The following POC1B variants were observed in gnomAD, a reference collection of about 807,000 sequenced individuals.
POC1B encodes the protein POC1 centriolar protein B.
POC1B carries 44 observed loss-of-function variants against 60.6 expected under a neutral mutation model. The observed-to-expected ratio is 0.73, with a 90% CI of 0.57 to 0.93. The LOEUF is 0.93. Among genes scored for constraint, POC1B ranks in the 40% least tolerant of loss-of-function variants. The pLI, the probability that POC1B is intolerant of heterozygous loss-of-function variation, is 0.00. For synonymous variants in POC1B, 180 were observed against 198.9 expected, an observed-to-expected ratio of 0.90 and a Z score of 0.80; for missense variants, 555 against 572.3, an observed-to-expected ratio of 0.97 and a Z score of 0.31.
intron 2 of POC1B, chr12:89,523,883 G>A (rs369343226): frequency 1.9e-6 from 3 of 1,574,972 alleles, no homozygotes; most frequent in African/African-American, 2.7e-5. Context: ...AGGAAAGTGA[G>A]GACGTCCCCA....
chr12:89,424,376 C>T (rs561804711), intron 11 of POC1B, among the ~76,000 whole-genome samples: 1 of 152,210 alleles, frequency 6.6e-6, no homozygotes, highest in African/African-American at 2.4e-5. Context: ...GGGTTGAGAA[C>T]CAGTTGGGTG....
chr12:89,411,290 CA>C, the POC1B span, among the ~76,000 whole-genome samples: 3 of 151,654 alleles, frequency 2.0e-5, no homozygotes, highest in Non-Finnish European at 4.4e-5. Context: ...CATATGGAAC[CA>C]AAAAAAACCC....
At chr12:89,485,873 C>A (rs974951051) in intron 4 of POC1B, among the ~76,000 whole-genome samples, 7 of 152,198 alleles carry the variant, frequency 4.6e-5, no homozygotes, top group African/African-American at 1.7e-4. Flanking sequence ...GACCCTTTCC[C>A]ACCCTGTAGC....
chr12:89,489,802 T>C (rs1451368511), intron 4 of POC1B, among the ~76,000 whole-genome samples: 1 of 152,192 alleles, frequency 6.6e-6, no homozygotes, highest in African/African-American at 2.4e-5. Flanking sequence ...GTGTCCCCTA[T>C]CCCCATGCCT....
chr12:89,498,253 T>C (rs1193745669), intron 2 of POC1B, among the ~76,000 whole-genome samples: 1 of 152,174 alleles, frequency 6.6e-6, no homozygotes, highest in Non-Finnish European at 1.5e-5. Flanking sequence ...TGTCAGACAA[T>C]AGTTTAAGGA....
intron 7 of POC1B, among the ~76,000 whole-genome samples, chr12:89,470,073 T>C (rs1308383131): frequency 6.6e-6 from 1 of 152,058 alleles, no homozygotes; most frequent in Non-Finnish European, 1.5e-5. Flanking sequence ...GGTTTCATCA[T>C]GTTGGCCAAG....
intron 2 of POC1B, among the ~76,000 whole-genome samples, chr12:89,506,463 TAAAG>T (rs973478877): frequency 1.3e-5 from 2 of 151,970 alleles, no homozygotes; most frequent in African/African-American, 4.8e-5. Flanking sequence ...TCAGTACAGA[TAAAG>T]AAGAGGTTGA....
At chr12:89,496,487 C>T (rs75031192) in intron 3 of POC1B, among the ~76,000 whole-genome samples, 7,095 of 152,118 alleles carry the variant, frequency 0.047, 266 homozygotes, top group Non-Finnish European at 0.064. Context: ...AGCTGATTGA[C>T]GGGAATATGA....
intron 10 of POC1B, among the ~76,000 whole-genome samples, chr12:89,437,001 G>C (rs975969488): frequency 5.3e-5 from 8 of 152,050 alleles, no homozygotes; most frequent in African/African-American, 1.7e-4. Context: ...CCAAAAATTT[G>C]AGAGATATTC....
chr12:89,408,289 T>C, the POC1B span, among the ~76,000 whole-genome samples: 7 of 152,172 alleles, frequency 4.6e-5, no homozygotes, highest in African/African-American at 1.4e-4. Context: ...GTCTTTATAG[T>C]AGAATGAATT....
chr12:89,408,629 G>T, the POC1B span, among the ~76,000 whole-genome samples: 4 of 152,100 alleles, frequency 2.6e-5, no homozygotes, highest in Non-Finnish European at 5.9e-5. Context: ...GGGGACTACA[G>T]GCGCCTGCCA....
In POC1B at chr12:89,429,716, A is replaced by C. The variant is rs1250993603; in HGVS notation, c.1114-4337T>G. ...CCAAATCCCCCACAATGCCTGGCTC[A>C]TCTCTGGCACTGCTGAATGAGCAGG... is the stretch of plus-strand genomic sequence containing the variant. On this transcript the variant is annotated intron_variant, in intron 10 of 11. Coordinates refer to ENST00000313546, the MANE Select transcript of POC1B (RefSeq NM_172240.3). 2.0e-5 allele frequency among the ~76,000 whole-genome samples: 3 copies of C among 152,204 alleles called. No homozygotes were observed. The East Asian group carries it at 5.8e-4, about 29-fold the overall frequency.
chr12:89,421,366 T>TA (rs779017832), intron 11 of POC1B, 109 bp from the exon 12 acceptor site: 12 of 879,632 alleles, frequency 1.4e-5, no homozygotes, highest in Non-Finnish European at 1.8e-5. Flanking sequence ...CCCACCCTTC[T>TA]ACCAAGAAGT....
Position 89,470,504 on chromosome 12 carries a change from A to G in POC1B, c.677-10T>C. ...ACTCCACCGCTGTGAACTGATTTGT[A>G]GAAAATAAAAGCAAAAAGTTCAGAG... On this transcript the variant is annotated splice_polypyrimidine_tract_variant and intron_variant, in intron 6 of 11. Coordinates refer to ENST00000313546, the MANE Select transcript of POC1B (RefSeq NM_172240.3). The G allele has an allele frequency of 6.3e-7, 1 of 1,582,148 alleles. No individual in the cohort carries two copies. The highest frequency in any genetic ancestry group is 8.6e-7 in the Non-Finnish European group (1 of 1,158,210).
At chr12:89,524,451 A>C (rs1335753193) in intron 2 of POC1B, 1 of 1,613,868 alleles carries the variant, frequency 6.2e-7, no homozygotes, top group Non-Finnish European at 8.5e-7. Context: ...CTGCGGAGGC[A>C]TGAAAAGTAG....
At chr12:89,422,514 G>A (rs1880583619) in intron 11 of POC1B, among the ~76,000 whole-genome samples, 1 of 152,078 alleles carries the variant, frequency 6.6e-6, no homozygotes, top group Non-Finnish European at 1.5e-5. Context: ...TCTCTAAGTT[G>A]GCTATTGGAT....
chr12:89,452,118 G>A (rs369300749), intron 10 of POC1B, among the ~76,000 whole-genome samples: 1 of 152,162 alleles, frequency 6.6e-6, no homozygotes, highest in Non-Finnish European at 1.5e-5. Flanking sequence ...GGAACCAGTT[G>A]TTACTGGATG....
At chr12:89,446,913 G>T (rs551823674) in intron 10 of POC1B, among the ~76,000 whole-genome samples, 47 of 151,990 alleles carry the variant, frequency 3.1e-4, no homozygotes, top group Non-Finnish European at 4.4e-4. Flanking sequence ...GCCTGGAAAG[G>T]GTACCAAGGC....
intron 4 of POC1B, among the ~76,000 whole-genome samples, chr12:89,485,982 C>G (rs771620280): frequency 6.6e-6 from 1 of 152,138 alleles, no homozygotes; most frequent in African/African-American, 2.4e-5. Flanking sequence ...AGTCTTGGCT[C>G]AAACGTCACC....
Sources: gnomAD v4.1 joint callset for allele counts (sites outside exome capture counted in the v4.1 genomes callset) on GRCh38, gnomAD v4.1.1 for gene constraint, MANE v1.5 for transcripts, NCBI Gene and HGNC (gene_info 2026-07-23, HGNC 2026-07-21) for gene names.